KIAA1328: variants seen among roughly 807,000 people sequenced by gnomAD.
The protein encoded by KIAA1328 is KIAA1328.
A neutral mutation model predicts 68.1 loss-of-function variants in KIAA1328; 52 were observed. The ratio of observed to expected loss-of-function variants is 0.76; its 90% CI spans 0.61 to 0.96. The LOEUF (loss-of-function observed/expected upper bound fraction) is 0.96. KIAA1328 is among the 40% of genes least tolerant of loss of function. The probability of loss-of-function intolerance (pLI) is 0.00; values close to 1 mark genes in which losing one functional copy is unlikely to be tolerated. For missense variants in KIAA1328, 641 were observed against 677.6 expected (o/e 0.95, Z 0.60); for synonymous variants, 232 against 239.4 (o/e 0.97, Z 0.28).
At chr18:37,015,899 G>A (rs2054135498) in intron 6 of KIAA1328, among the ~76,000 whole-genome samples, 1 of 152,208 alleles carries the variant, frequency 6.6e-6, no homozygotes, top group Non-Finnish European at 1.5e-5. Flanking sequence ...GGAGCCTTTT[G>A]ATGGAGTCTT....
intron 6 of KIAA1328, among the ~76,000 whole-genome samples, chr18:37,006,330 C>G (rs56308574): frequency 1.3e-5 from 2 of 151,456 alleles, no homozygotes; most frequent in Admixed American, 6.6e-5. Flanking sequence ...CTGAGTCTCA[C>G]AAAATACTGA....
At chr18:37,125,661 G>A (rs766949568) in intron 7 of KIAA1328, among the ~76,000 whole-genome samples, 1 of 152,150 alleles carries the variant, frequency 6.6e-6, no homozygotes, top group Non-Finnish European at 1.5e-5. Flanking sequence ...AAGAGCGAAA[G>A]CAGAGGCATT....
intron 9 of KIAA1328, among the ~76,000 whole-genome samples, chr18:37,176,781 T>C (rs905121465): frequency 6.6e-6 from 1 of 152,244 alleles, no homozygotes; most frequent in Non-Finnish European, 1.5e-5. Flanking sequence ...CTTGATCCTT[T>C]AGTCTCCAGT....
rs545339505 is a variant in KIAA1328 at position 37,129,682 on chromosome 18, A to G, written c.1233-30518A>G. Reference sequence around the variant, plus strand: ...AGAGTTAGCCACCCTAATTTCTTCAATAGTAAATATTTACATAATCATAAT... The same window carrying G: ...AGAGTTAGCCACCCTAATTTCTTCAGTAGTAAATATTTACATAATCATAAT... On this transcript the variant is annotated intron_variant, in intron 7 of 9. Coordinates refer to ENST00000280020, the MANE Select transcript of KIAA1328 (RefSeq NM_020776.3). Among the ~76,000 whole-genome samples the G allele has an allele frequency of 2.2e-4, 34 of 152,350 alleles. 1 individual carries two copies. The South Asian group carries it at 6.6e-3, about 30-fold the overall frequency.
At chr18:37,076,842 A>G (rs184622317) in intron 7 of KIAA1328, among the ~76,000 whole-genome samples, 3,548 of 152,238 alleles carry the variant, frequency 0.023, 48 homozygotes, top group Non-Finnish European at 0.038. Flanking sequence ...GCAATAATCA[A>G]TAGCTTACCA....
chr18:36,934,034 T>C (rs1289615451), intron 5 of KIAA1328, among the ~76,000 whole-genome samples: 1 of 152,188 alleles, frequency 6.6e-6, no homozygotes, highest in African/African-American at 2.4e-5. Flanking sequence ...CTCTCCAGGA[T>C]GATCCCCCTA....
intron 6 of KIAA1328, among the ~76,000 whole-genome samples, chr18:37,004,466 CAAAAG>C (rs1358110172): frequency 6.6e-6 from 1 of 151,920 alleles, no homozygotes; most frequent in Non-Finnish European, 1.5e-5. Flanking sequence ...AGACAATTCT[CAAAAG>C]AATATATACA....
chr18:36,952,193 A>G (rs112152364), intron 5 of KIAA1328, among the ~76,000 whole-genome samples: 7 of 152,112 alleles, frequency 4.6e-5, no homozygotes, highest in East Asian at 1.9e-4. Context: ...TGCACAGCCT[A>G]CCTACCTGGT....
chr18:37,179,247 C>A (rs1556913067), intron 9 of KIAA1328, among the ~76,000 whole-genome samples: 1 of 152,120 alleles, frequency 6.6e-6, no homozygotes, highest in Non-Finnish European at 1.5e-5. Context: ...ATTTTTGTAT[C>A]TGATGAGAGA....
At chr18:36,998,432 C>T (rs1211107577) in intron 6 of KIAA1328, among the ~76,000 whole-genome samples, 1 of 152,200 alleles carries the variant, frequency 6.6e-6, no homozygotes, top group Non-Finnish European at 1.5e-5. Context: ...CACCACTGCT[C>T]CTGCTGGGAT....
chr18:37,001,347 T>C (rs1183545673), intron 6 of KIAA1328, among the ~76,000 whole-genome samples: 2 of 152,064 alleles, frequency 1.3e-5, no homozygotes, highest in African/African-American at 2.4e-5. Flanking sequence ...CTAAACAGAC[T>C]TATAATGTTG....
At chr18:36,876,855 C>G (rs758773461) in intron 4 of KIAA1328, among the ~76,000 whole-genome samples, 2 of 152,152 alleles carry the variant, frequency 1.3e-5, no homozygotes, top group Non-Finnish European at 2.9e-5. Context: ...AGCTGTGTCT[C>G]AGAGATTCTG....
At chr18:37,026,535 G>T (rs958029602) in intron 6 of KIAA1328, among the ~76,000 whole-genome samples, 30 of 152,030 alleles carry the variant, frequency 2.0e-4, no homozygotes, top group Non-Finnish European at 4.0e-4. Flanking sequence ...ATGACCAAGT[G>T]GTCTTCATCC....
At chr18:37,019,311 G>A (rs2054259379) in intron 6 of KIAA1328, among the ~76,000 whole-genome samples, 1 of 152,108 alleles carries the variant, frequency 6.6e-6, no homozygotes, top group African/African-American at 2.4e-5. Context: ...GGCACTTATA[G>A]GTCAGAGCTT....
chr18:36,953,267 A>G (rs2051241081), intron 5 of KIAA1328, among the ~76,000 whole-genome samples: 1 of 147,518 alleles, frequency 6.8e-6, no homozygotes, highest in Non-Finnish European at 1.5e-5. Flanking sequence ...ATTTAATAAT[A>G]TATGCTATAT....
chr18:36,907,087 A>G (rs575379585), intron 5 of KIAA1328, among the ~76,000 whole-genome samples: 1 of 152,008 alleles, frequency 6.6e-6, no homozygotes, highest in South Asian at 2.1e-4. Flanking sequence ...TCAGACCCCA[A>G]ATTTTCATTC....
chr18:37,174,669 C>T (rs1386469240), intron 9 of KIAA1328, among the ~76,000 whole-genome samples: 2 of 151,838 alleles, frequency 1.3e-5, no homozygotes, highest in Non-Finnish European at 2.9e-5. Context: ...TCTTGGCTCA[C>T]TACAAGCTCC....
intron 3 of KIAA1328, among the ~76,000 whole-genome samples, chr18:36,838,723 A>G (rs1406412975): frequency 6.6e-6 from 1 of 151,906 alleles, no homozygotes; most frequent in African/African-American, 2.4e-5. Flanking sequence ...CAATTTGGTT[A>G]TAGTATACCC....
intron 5 of KIAA1328, among the ~76,000 whole-genome samples, chr18:36,918,875 A>T (rs2049813734): frequency 6.6e-6 from 1 of 152,128 alleles, no homozygotes; most frequent in African/African-American, 2.4e-5. Context: ...TCTGAAGTAT[A>T]TTGTTACTGA....
Sources: allele counts gnomAD v4.1 joint callset (sites outside exome capture counted in the v4.1 genomes callset), GRCh38; gene constraint gnomAD v4.1.1; transcripts MANE v1.5; gene names NCBI Gene and HGNC (gene_info 2026-07-23, HGNC 2026-07-21).